The following IQGAP3 variants were observed in gnomAD, a reference collection of about 807,000 sequenced individuals.
IQGAP3 encodes ras GTPase-activating-like protein IQGAP3.
Under a neutral mutation model 208.2 loss-of-function variants are expected in IQGAP3, and 165 were observed. The observed-to-expected ratio is 0.79, with a 90% CI of 0.70 to 0.90. The LOEUF is 0.90. Among genes scored for constraint, IQGAP3 ranks in the 40% least tolerant of loss-of-function variants. The probability of loss-of-function intolerance (pLI) is 0.00; values close to 1 mark genes in which losing one functional copy is unlikely to be tolerated. For missense variants in IQGAP3, 1,811 were observed against 2,043.1 expected (o/e 0.89, Z 2.19); for synonymous variants, 703 against 803.6 (o/e 0.87, Z 2.12).
intron 11 of IQGAP3, among the ~76,000 whole-genome samples, chr1:156,560,685 T>C (rs1262563976): frequency 1.3e-5 from 2 of 152,164 alleles, no homozygotes; most frequent in Non-Finnish European, 1.5e-5. Flanking sequence ...GGAAGAAAAC[T>C]GCCTGCCCCA....
chr1:156,554,398 A>G lies in IQGAP3; in HGVS notation c.1291-6T>C, dbSNP rs1195457542. The G allele has an allele frequency of 2.2e-5, 35 of 1,597,164 alleles. No individual in the cohort carries two copies. Among genetic ancestry groups the G allele is most frequent in the Middle Eastern group, 1.7e-4 (1 of 5,990 alleles). ...AGCTCCTCCTGGCCAAGCTCCTACA[A>G]TGGGTGGGAGGGCCAATTCCCAAGT... On this transcript the variant is annotated splice_polypyrimidine_tract_variant and splice_region_variant and intron_variant, in intron 12 of 37. Coordinates refer to ENST00000361170, the MANE Select transcript of IQGAP3 (RefSeq NM_178229.5).
At position 156,531,229 on chromosome 1, in the gene IQGAP3, G is replaced by A. The variant is rs201700249; in HGVS notation, c.4122C>T (p.Ala1374=). ...SLLLSTKQLL[A]DIIQFHPGDT... ...CCCCAGGATGGAACTGTATGATATC[G>A]GCCAACAGCTGCTTGGTGCTGCACA... The change falls in exon 33 of 38, where the codon GCC becomes GCT. Residue 1374 remains alanine (A), a synonymous_variant. Transcript: ENST00000361170. 1,982 of 1,613,672 alleles carry A rather than the reference G, an allele frequency of 1.2e-3. 39 individuals are homozygous for A. The South Asian group carries it at 0.019, about 16-fold the overall frequency.
At chr1:156,551,582 C>T (rs1675547756) in intron 15 of IQGAP3, 123 bp downstream of exon 15, 2 of 1,045,934 alleles carry the variant, frequency 1.9e-6, no homozygotes, top group Admixed American at 5.9e-5. Flanking sequence ...GGAACACCCC[C>T]CTCACCCCCA....
intron 27 of IQGAP3, among the ~76,000 whole-genome samples, chr1:156,535,562 C>T (rs1361017213): frequency 2.0e-5 from 3 of 152,196 alleles, no homozygotes; most frequent in African/African-American, 7.2e-5. Context: ...CTGCAGAGCA[C>T]CCCAGCTCAC....
Position 156,561,023 on chromosome 1 carries a change from TAA to T in IQGAP3, c.1042-4_1042-3del. 2 of 1,610,972 alleles carry T rather than the reference TAA, an allele frequency of 1.2e-6. No homozygotes were observed. Among genetic ancestry groups the T allele is most frequent in the Non-Finnish European group, 1.7e-6 (2 of 1,177,398 alleles). ...CAGAAGCTCCACCAGGCCCAGCTCC[TAA>T]GAGAGGGAAGAGATACAGTAGAATG... On this transcript the variant is annotated splice_region_variant and splice_polypyrimidine_tract_variant and intron_variant, in intron 10 of 37. Transcript: ENST00000361170.
At position 156,544,175 on chromosome 1, in the gene IQGAP3, G is replaced by A. The variant is rs765276279; in HGVS notation, c.2437C>T (p.Arg813Cys). The A allele has an allele frequency of 8.7e-6, 14 of 1,614,048 alleles. 1 individual carries two copies. The highest frequency in any genetic ancestry group is 6.7e-5 in the African/African-American group (5 of 74,914). The change falls in exon 21 of 38, where the codon CGT (arginine) becomes TGT (cysteine). Residue 813 changes from arginine (R) to cysteine (C), a missense_variant. Transcript: ENST00000361170. The part of the protein sequence containing the change: ...MWAARRQYLR[R>C]LHYFQKNVNS... ...ACATTCTTCTGGAAGTAGTGCAGAC[G>A]CCTCAGGTATTGCCTCCGAGCTGCC...
rs376708543 is a variant in IQGAP3 at position 156,530,342 on chromosome 1, G to A, written c.4192-25C>T. On this transcript the variant is annotated intron_variant, in intron 33 of 37. Transcript: ENST00000361170. ...CCTGGGGACACACAGACGCTGGAGG[G>A]GTCTACCAGGTCCTACCATTCTGCT... is the stretch of plus-strand genomic sequence containing the variant. 42 of 1,581,196 alleles carry A rather than the reference G, an allele frequency of 2.7e-5. 1 individual carries two copies. Among genetic ancestry groups the A allele is most frequent in the Middle Eastern group, 2.2e-4 (1 of 4,488 alleles).
Position 156,548,220 on chromosome 1 carries a change from A to C in IQGAP3, c.2157T>G (p.Ala719=), listed in dbSNP as rs1675362185. The C allele has an allele frequency of 6.2e-7, 1 of 1,613,988 alleles. No individual in the cohort carries two copies. Among genetic ancestry groups the C allele is most frequent in the Non-Finnish European group, 8.5e-7 (1 of 1,179,874 alleles). Residue 719 remains alanine (A), a synonymous_variant, in exon 19 of 38, where the codon GCT becomes GCG. Transcript: ENST00000361170. Reference sequence around the variant, plus strand: ...TCCAGAGCTGTTGGCGGTCATAGGCAGCAGTGACCTTGGTGACAGCTGACT... The same window carrying C: ...TCCAGAGCTGTTGGCGGTCATAGGCCGCAGTGACCTTGGTGACAGCTGACT... The part of the protein sequence containing the change: ...EIQSAVTKVT[A]AYDRQQLWKA...
chr1:156,566,255 A>G, intron 3 of IQGAP3, 135 bp downstream of exon 3: 1 of 1,217,938 alleles, frequency 8.2e-7, no homozygotes, highest in Non-Finnish European at 1.2e-6. Context: ...ACCAGGACAG[A>G]GAAACATAGA....
chr1:156,551,727 G>A lies in IQGAP3; in HGVS notation c.1712C>T (p.Ala571Val). The stretch of plus-strand genomic sequence containing the variant: ...CACCTGGGCCTTCTGCCTTTTGGCT[G>A]CCACAAGGAGGAGATGGTACCGAGG... ...VAPRYHLLLV[A>V]AKRQKAQVTG... Residue 571 changes from alanine to valine, a missense_variant, in exon 15 of 38, where the codon GCA becomes GTA. By Grantham distance (64) the Ala-to-Val change is moderately conservative. Transcript: ENST00000361170. 1.4e-5 allele frequency: 23 copies of A among 1,611,956 alleles called. No homozygotes were observed. The highest frequency in any genetic ancestry group is 2.0e-5 in the Non-Finnish European group (23 of 1,179,458).
chr1:156,528,740 G>T, intron 35 of IQGAP3, 130 bp from the exon 36 acceptor site: 1 of 1,017,064 alleles, frequency 9.8e-7, no homozygotes. Context: ...AGAGGAGGGG[G>T]GCTGCACTTG....
At chr1:156,541,027 G>T in intron 22 of IQGAP3, 111 bp from the exon 23 acceptor site, 1 of 815,704 alleles carries the variant, frequency 1.2e-6, no homozygotes. Flanking sequence ...GGGATCAGCA[G>T]GTCCCCAACC....
In IQGAP3 at chr1:156,548,758, G is replaced by T; in HGVS notation, c.1826-10C>A. 6.4e-7 allele frequency: 1 copy of T among 1,554,960 alleles called. No individual in the cohort carries two copies. On this transcript the variant is annotated splice_polypyrimidine_tract_variant and intron_variant, in intron 16 of 37. Transcript: ENST00000361170. ...GCCACACCAAGAGCCACTGACAGGG[G>T]CATCAGGAGAGAGCAGTCAATCCTT...
At chr1:156,550,698 A>G (rs1484490099) in intron 15 of IQGAP3, among the ~76,000 whole-genome samples, 1 of 152,194 alleles carries the variant, frequency 6.6e-6, no homozygotes, top group Non-Finnish European at 1.5e-5. Flanking sequence ...ATGTCCAGGG[A>G]TAGCCTACGC....
chr1:156,551,853 C>A lies in IQGAP3; in HGVS notation c.1586G>T (p.Ser529Ile), dbSNP rs912266246. Residue 529 changes from serine to isoleucine, a missense_variant, in exon 15 of 38, where the codon AGC becomes ATC. Coordinates refer to ENST00000361170, the MANE Select transcript of IQGAP3 (RefSeq NM_178229.5). ...QEETDRVLAV[S>I]LINEALDKGS... Reference sequence around the variant, plus strand: ...TTTGTCCAGAGCCTCATTGATGAGGCTGACTGCAAGGACCCCTAAGAAAGA... The same window carrying A: ...TTTGTCCAGAGCCTCATTGATGAGGATGACTGCAAGGACCCCTAAGAAAGA... The A allele has an allele frequency of 6.2e-7, 1 of 1,607,642 alleles. No individual in the cohort carries two copies. Among genetic ancestry groups the A allele is most frequent in the Non-Finnish European group, 8.5e-7 (1 of 1,176,186 alleles).
rs1392790865 is a variant in IQGAP3, at chr1:156,561,866, A to C, written c.1013T>G (p.Leu338Arg). ...TGCCTTCTGCTCTCTGTCTGAGTTC[A>C]GCTGCTCCAGGTACCAGTCAGCAAA... The part of the protein sequence containing the change: ...RDFADWYLEQ[L>R]NSDREQKAQE... Residue 338 changes from leucine to arginine, a missense_variant, in exon 10 of 38, where the codon CTG (leucine) becomes CGG (arginine). Transcript: ENST00000361170. 1 of 1,613,960 alleles carries C rather than the reference A, an allele frequency of 6.2e-7. No individual in the cohort carries two copies. Among genetic ancestry groups the C allele is most frequent in the African/African-American group, 1.3e-5 (1 of 74,886 alleles).
intron 24 of IQGAP3, 102 bp from the exon 25 acceptor site, chr1:156,539,639 A>G: frequency 7.5e-7 from 1 of 1,329,828 alleles, no homozygotes; most frequent in Non-Finnish European, 1.1e-6. Context: ...GAATGGAGAA[A>G]GCACTACCAC....
intron 7 of IQGAP3, 69 bp from the exon 8 acceptor site, chr1:156,563,381 A>G (rs1434772225): frequency 8.8e-6 from 13 of 1,484,932 alleles, no homozygotes; most frequent in Non-Finnish European, 1.2e-5. Context: ...AACCAGTAGC[A>G]GCCCACTCTA....
chr1:156,550,787 G>A (rs917256988), intron 15 of IQGAP3, among the ~76,000 whole-genome samples: 1 of 152,060 alleles, frequency 6.6e-6, no homozygotes. Flanking sequence ...TCCTGACCCT[G>A]ACCCTTACCT....
Sources: gnomAD v4.1 joint callset for allele counts (sites outside exome capture counted in the v4.1 genomes callset) on GRCh38, gnomAD v4.1.1 for gene constraint, MANE v1.5 for transcripts, NCBI Gene and HGNC (gene_info 2026-07-23, HGNC 2026-07-21) for gene names.